Variants in KCTD3 observed in about 807,000 individuals in gnomAD.
KCTD3 encodes the protein potassium channel tetramerization domain containing 3, also known as BTB/POZ domain-containing protein KCTD3.
In KCTD3, 41 loss-of-function variants were observed where a neutral mutation model predicts 85.8. That is an observed-to-expected ratio of 0.48 (90% CI 0.37 to 0.62). KCTD3 has a LOEUF of 0.62. Ranked by LOEUF, KCTD3 falls within the 20% of genes least tolerant of loss-of-function variation. The pLI is 0.00. For synonymous variants in KCTD3, 338 were observed against 345.4 expected, an observed-to-expected ratio of 0.98 and a Z score of 0.24; for missense variants, 724 against 989.9, an observed-to-expected ratio of 0.73 and a Z score of 3.60.
chr1:215,607,604 C>T (rs1655083423), intron 13 of KCTD3, among the ~76,000 whole-genome samples: 1 of 151,880 alleles, frequency 6.6e-6, no homozygotes, highest in African/African-American at 2.4e-5. Flanking sequence ...AATAATTTTT[C>T]GGTAAGTTCT....
intron 8 of KCTD3, among the ~76,000 whole-genome samples, chr1:215,583,872 TTAA>T (rs2102566811): frequency 6.6e-6 from 1 of 152,220 alleles, no homozygotes; most frequent in African/African-American, 2.4e-5. Flanking sequence ...GACTGAAAAA[TTAA>T]TAAGTGTTCG....
chr1:215,609,640 G>C (rs1461625890), intron 14 of KCTD3, among the ~76,000 whole-genome samples: 1 of 151,898 alleles, frequency 6.6e-6, no homozygotes, highest in African/African-American at 2.4e-5. Context: ...ATTAACCAAA[G>C]TGCATGGTGG....
chr1:215,616,442 T>C (rs1655451253), intron 15 of KCTD3, among the ~76,000 whole-genome samples: 1 of 151,934 alleles, frequency 6.6e-6, no homozygotes, highest in African/African-American at 2.4e-5. Context: ...AAATAATTCT[T>C]TCAAACTTTA....
chr1:215,594,730 G>T (rs1341927961), intron 9 of KCTD3, among the ~76,000 whole-genome samples: 1 of 152,132 alleles, frequency 6.6e-6, no homozygotes, highest in Non-Finnish European at 1.5e-5. Context: ...GCCTGATATA[G>T]TGTCTTTTGA....
At chr1:215,588,472 G>T (rs1660096802) in intron 9 of KCTD3, among the ~76,000 whole-genome samples, 1 of 151,670 alleles carries the variant, frequency 6.6e-6, no homozygotes, top group African/African-American at 2.4e-5. Context: ...GAAAGTCTAT[G>T]GCAGAGAAGA....
intron 13 of KCTD3, 63 bp downstream of exon 13, chr1:215,604,365 T>G (rs1654935943): frequency 1.2e-5 from 16 of 1,315,278 alleles, no homozygotes; most frequent in Non-Finnish European, 1.6e-5. Flanking sequence ...ATTAAAAGAA[T>G]GAAAACGCAG....
chr1:215,595,604 ATT>A, intron 10 of KCTD3, 133 bp downstream of exon 10: 1 of 569,512 alleles, frequency 1.8e-6, no homozygotes, highest in Non-Finnish European at 3.1e-6. Context: ...GTAGTGGTAA[ATT>A]TTTTTGCTAG....
chr1:215,582,403 C>A (rs1054822491), intron 8 of KCTD3, among the ~76,000 whole-genome samples: 1 of 152,144 alleles, frequency 6.6e-6, no homozygotes, highest in Non-Finnish European at 1.5e-5. Context: ...TTGAGGTCTT[C>A]ATGTAGGAAA....
intron 15 of KCTD3, among the ~76,000 whole-genome samples, chr1:215,612,834 T>G (rs1399180960): frequency 6.6e-6 from 1 of 152,190 alleles, no homozygotes; most frequent in African/African-American, 2.4e-5. Context: ...CTCTTCCTTT[T>G]CTATTGACTG....
At chr1:215,578,779 A>G (rs571476042) in intron 6 of KCTD3, among the ~76,000 whole-genome samples, 1 of 152,328 alleles carries the variant, frequency 6.6e-6, no homozygotes, top group African/African-American at 2.4e-5. Flanking sequence ...CAGTATGACA[A>G]TACCAGAAAT....
At chr1:215,594,833 G>A (rs1474893760) in intron 9 of KCTD3, among the ~76,000 whole-genome samples, 1 of 152,096 alleles carries the variant, frequency 6.6e-6, no homozygotes, top group Non-Finnish European at 1.5e-5. Context: ...AGTATCATGT[G>A]ACTTCTTGCT....
At chr1:215,581,222 C>T (rs567564139) in intron 8 of KCTD3, 86 of 163,834 alleles carry the variant, frequency 5.2e-4, no homozygotes, top group Middle Eastern at 2.9e-3. Flanking sequence ...CTCCAACCTG[C>T]GCAACAGAGC....
chr1:215,603,635 G>C (rs1444206737), intron 12 of KCTD3, among the ~76,000 whole-genome samples: 2 of 152,206 alleles, frequency 1.3e-5, no homozygotes, highest in Non-Finnish European at 2.9e-5. Context: ...AAGTAAAGCA[G>C]ATGGTAATTC....
intron 8 of KCTD3, 85 bp from the exon 9 acceptor site, chr1:215,586,410 G>T: frequency 2.8e-6 from 3 of 1,086,056 alleles, no homozygotes; most frequent in Non-Finnish European, 4.0e-6. Flanking sequence ...TTTTGTTGTT[G>T]TTTTTTGTTT....
rs1159929844 is a variant in KCTD3 at position 215,620,660 on chromosome 1, A to G, written c.*42A>G. On this transcript the variant is annotated 3_prime_UTR_variant, in exon 18 of 18. Transcript: ENST00000259154. ...ATAGTTGTTTCGTTACATTTAGATG[A>G]AAGTTAAACTTTACTGAATTTCAGT... 1.5e-6 allele frequency: 2 copies of G among 1,367,412 alleles called. No homozygotes were observed. Among genetic ancestry groups the G allele is most frequent in the Non-Finnish European group, 2.0e-6 (2 of 1,001,818 alleles). 84.7% of individuals were successfully genotyped at this position (1,367,412 alleles called of 1,614,324 possible).
In KCTD3 at chr1:215,578,100, A is replaced by G. The variant is rs1659658019; in HGVS notation, c.397+19A>G. 2 of 1,600,398 alleles carry G rather than the reference A, an allele frequency of 1.2e-6. No homozygotes were observed. The highest frequency in any genetic ancestry group is 1.7e-5 in the Admixed American group (1 of 59,124). On this transcript the variant is annotated intron_variant, in intron 6 of 17. Coordinates refer to ENST00000259154, the MANE Select transcript of KCTD3 (RefSeq NM_016121.5). ...CCACCAGGTATTTTCACTTTATTAA[A>G]TCTTTTAAAAAATTCCTTGTATCAT... is the stretch of plus-strand genomic sequence containing the variant.
At chr1:215,605,406 G>A (rs956349336) in intron 13 of KCTD3, among the ~76,000 whole-genome samples, 1 of 152,074 alleles carries the variant, frequency 6.6e-6, no homozygotes, top group African/African-American at 2.4e-5. Context: ...GCCCCACTGA[G>A]GAGTTTCTAA....
At chr1:215,576,985 A>G (rs578027056) in intron 4 of KCTD3, among the ~76,000 whole-genome samples, 7 of 152,340 alleles carry the variant, frequency 4.6e-5, no homozygotes, top group African/African-American at 1.7e-4. Flanking sequence ...TAAAATAAGG[A>G]CAAATTACAA....
chr1:215,614,253 G>A (rs969556158), intron 15 of KCTD3, among the ~76,000 whole-genome samples: 1 of 151,772 alleles, frequency 6.6e-6, no homozygotes, highest in African/African-American at 2.4e-5. Flanking sequence ...GGATGGTCTC[G>A]ATCTCCTGAC....
Sources: gnomAD v4.1 joint callset for allele counts (sites outside exome capture counted in the v4.1 genomes callset) on GRCh38, gnomAD v4.1.1 for gene constraint, MANE v1.5 for transcripts, NCBI Gene and HGNC (gene_info 2026-07-23, HGNC 2026-07-21) for gene names.